Variants in WWOX observed in about 807,000 individuals in gnomAD.
The protein encoded by WWOX is WW domain-containing oxidoreductase.
In WWOX, 69 loss-of-function variants were observed where a neutral mutation model predicts 46.2. The observed-to-expected ratio is 1.49, with a 90% CI of 1.23 to 1.82. The LOEUF is 1.82. Ranked by LOEUF, WWOX falls within the 40% of genes most tolerant of loss-of-function variation. The pLI, the probability that WWOX is intolerant of heterozygous loss-of-function variation, is 0.00. For missense variants in WWOX, 919 were observed against 542.6 expected, an observed-to-expected ratio of 1.69 and a Z score of -6.89; for synonymous variants, 359 against 202.6, an observed-to-expected ratio of 1.77 and a Z score of -6.56.
chr16:78,227,562 G>A (rs1298361138), intron 5 of WWOX, among the ~76,000 whole-genome samples: 3 of 152,116 alleles, frequency 2.0e-5, no homozygotes, highest in African/African-American at 4.8e-5. Flanking sequence ...TTGAAGGACC[G>A]CAGGAGAAGT....
intron 8 of WWOX, among the ~76,000 whole-genome samples, chr16:78,610,398 A>G (rs960411801): frequency 1.3e-5 from 2 of 152,176 alleles, no homozygotes; most frequent in Non-Finnish European, 2.9e-5. Flanking sequence ...GGAGATAACT[A>G]TTTCTTCTTC....
intron 8 of WWOX, among the ~76,000 whole-genome samples, chr16:79,175,305 A>C (rs895199882): frequency 6.6e-6 from 1 of 152,172 alleles, no homozygotes; most frequent in Admixed American, 6.5e-5. Context: ...GAAAGCCTAT[A>C]TACTCTGGAG....
chr16:79,191,076 C>T (rs1247198665), intron 8 of WWOX, among the ~76,000 whole-genome samples: 11 of 152,172 alleles, frequency 7.2e-5, no homozygotes, highest in African/African-American at 2.4e-4. Flanking sequence ...GACGGGGTCT[C>T]GCTCTGTTGC....
At chr16:79,119,493 T>C (rs922330406) in intron 8 of WWOX, among the ~76,000 whole-genome samples, 13 of 152,256 alleles carry the variant, frequency 8.5e-5, no homozygotes, top group Non-Finnish European at 1.5e-5. Flanking sequence ...TTGTAGGTGC[T>C]TTATAAATAT....
At chr16:78,953,146 G>A (rs1020457712) in intron 8 of WWOX, among the ~76,000 whole-genome samples, 23 of 151,980 alleles carry the variant, frequency 1.5e-4, no homozygotes, top group Admixed American at 5.9e-4. Flanking sequence ...GACCTCCTAA[G>A]TTAGAGCCCC....
chr16:79,114,376 G>GCA (rs34083573), intron 8 of WWOX, among the ~76,000 whole-genome samples: 77,147 of 150,720 alleles, frequency 0.51, 20,232 homozygotes, highest in East Asian at 0.69. Context: ...ACACGTGTGT[G>GCA]CACACATATC....
At chr16:78,378,193 A>G (rs527403840) in intron 5 of WWOX, among the ~76,000 whole-genome samples, 1 of 152,294 alleles carries the variant, frequency 6.6e-6, no homozygotes, top group Admixed American at 6.5e-5. Context: ...GTGTTTTAAA[A>G]TGTGGAATCA....
chr16:79,006,886 G>C (rs76923134), intron 8 of WWOX, among the ~76,000 whole-genome samples: 3,014 of 152,210 alleles, frequency 0.02, 83 homozygotes, highest in South Asian at 0.068. Flanking sequence ...AAGGACCTTT[G>C]TGATAGTTTT....
chr16:78,312,347 TAG>T (rs2080262447), intron 5 of WWOX, among the ~76,000 whole-genome samples: 1 of 151,284 alleles, frequency 6.6e-6, no homozygotes, highest in African/African-American at 2.4e-5. Flanking sequence ...CTTATATTGC[TAG>T]TGAGTGGCCA....
chr16:78,489,656 A>G (rs1271866255), intron 8 of WWOX, among the ~76,000 whole-genome samples: 1 of 152,128 alleles, frequency 6.6e-6, no homozygotes, highest in East Asian at 1.9e-4. Context: ...CTTGCTCTCC[A>G]GGGTAAAAGA....
intron 8 of WWOX, among the ~76,000 whole-genome samples, chr16:79,149,717 T>C (rs2050242198): frequency 6.6e-6 from 1 of 152,240 alleles, no homozygotes; most frequent in Non-Finnish European, 1.5e-5. Context: ...TGCCACAGAC[T>C]ACATTTAGGA....
At chr16:78,442,257 A>G (rs918542281) in intron 8 of WWOX, among the ~76,000 whole-genome samples, 5 of 152,178 alleles carry the variant, frequency 3.3e-5, no homozygotes, top group South Asian at 2.1e-4. Flanking sequence ...TTACATAGCT[A>G]TCATTTTTTG....
At chr16:78,812,189 A>G (rs1246917030) in intron 8 of WWOX, among the ~76,000 whole-genome samples, 2 of 152,016 alleles carry the variant, frequency 1.3e-5, no homozygotes, top group African/African-American at 2.4e-5. Flanking sequence ...TTGGCACTGT[A>G]TCTGCCAATT....
intron 1 of WWOX, among the ~76,000 whole-genome samples, chr16:78,105,928 A>G (rs2032111696): frequency 6.6e-6 from 1 of 152,118 alleles, no homozygotes; most frequent in Non-Finnish European, 1.5e-5. Flanking sequence ...CAGCCACTCA[A>G]GTAGCTGGGA....
At chr16:78,289,390 A>G (rs553734342) in intron 5 of WWOX, among the ~76,000 whole-genome samples, 1 of 152,302 alleles carries the variant, frequency 6.6e-6, no homozygotes, top group East Asian at 1.9e-4. Flanking sequence ...CCACATCAGG[A>G]AAAGTGTACA....
chr16:79,161,543 G>C (rs2050486917), intron 8 of WWOX, among the ~76,000 whole-genome samples: 1 of 152,076 alleles, frequency 6.6e-6, no homozygotes, highest in African/African-American at 2.4e-5. Context: ...TTGTTTTCAG[G>C]ACAGGGTCTT....
At chr16:78,431,686 C>T (rs1567569637) in intron 7 of WWOX, among the ~76,000 whole-genome samples, 1 of 88,832 alleles carries the variant, frequency 1.1e-5, no homozygotes, top group Non-Finnish European at 2.1e-5. Context: ...TCTTTGTAGC[C>T]AATCCTTTTT....
At chr16:78,171,474 G>C (rs905704557) in intron 5 of WWOX, among the ~76,000 whole-genome samples, 11 of 152,168 alleles carry the variant, frequency 7.2e-5, no homozygotes, top group South Asian at 6.2e-4. Context: ...ATATGTGTTG[G>C]GGGGAGGCAT....
chr16:79,074,013 C>T lies in WWOX; in HGVS notation c.1057-137595C>T, dbSNP rs1034356131. Among the ~76,000 whole-genome samples, 48 of 151,882 alleles carry T rather than the reference C, an allele frequency of 3.2e-4. No homozygotes were observed. In the East Asian group the frequency reaches 3.5e-3, roughly 11 times the overall value. On this transcript the variant is annotated intron_variant, in intron 8 of 8. Transcript: ENST00000566780. ...CCAAAGGTCTGAGGAAAAAAAAAGC[C>T]TTTCACCATGGTTAGTTCGAGAAGC...
Sources: allele counts gnomAD v4.1 joint callset (sites outside exome capture counted in the v4.1 genomes callset), GRCh38; gene constraint gnomAD v4.1.1; transcripts MANE v1.5; gene names NCBI Gene and HGNC (gene_info 2026-07-23, HGNC 2026-07-21).